Variants in OGG1 observed in about 807,000 individuals in gnomAD.
OGG1 encodes the protein 8-oxoguanine DNA glycosylase.
Under a neutral mutation model 42.3 loss-of-function variants are expected in OGG1, and 35 were observed. The ratio of observed to expected loss-of-function variants is 0.83; its 90% CI spans 0.63 to 1.10. The LOEUF is 1.10. OGG1 is among the 50% of genes least tolerant of loss of function. The pLI, the probability that OGG1 is intolerant of heterozygous loss-of-function variation, is 0.00. For missense variants in OGG1, 484 were observed against 446.7 expected (o/e 1.08, Z -0.75); for synonymous variants, 189 against 179.0 (o/e 1.06, Z -0.44).
At chr3:9,777,486 A>C (rs1055792023) in intron 2 of OGG1, among the ~76,000 whole-genome samples, 5 of 151,954 alleles carry the variant, frequency 3.3e-5, no homozygotes, top group Non-Finnish European at 7.4e-5. Flanking sequence ...CATCTCTTTG[A>C]GTCTCTGTGT....
intron 2 of OGG1, among the ~76,000 whole-genome samples, chr3:9,775,073 C>T (rs921497136): frequency 5.9e-5 from 9 of 151,396 alleles, no homozygotes; most frequent in African/African-American, 1.9e-4. Context: ...GACCCTGTCT[C>T]TACTAAAAAT....
chr3:9,785,612 C>T (rs923748903), intron 3 of OGG1, among the ~76,000 whole-genome samples: 2 of 152,196 alleles, frequency 1.3e-5, no homozygotes, highest in Admixed American at 1.3e-4. Context: ...CTTTTATTTT[C>T]GTACTGATGT....
At chr3:9,780,296 G>A in intron 2 of OGG1, 1 of 1,521,134 alleles carries the variant, frequency 6.6e-7, no homozygotes, top group Non-Finnish European at 8.9e-7. Context: ...GCCCAAAGAA[G>A]GAAGTGGGCC....
rs1227478171 is a variant in OGG1, at chr3:9,756,785, T to A, written c.917T>A (p.Leu306Gln). The A allele has an allele frequency of 6.2e-7, 1 of 1,614,150 alleles. No homozygotes were observed. Among genetic ancestry groups the A allele is most frequent in the South Asian group, 1.1e-5 (1 of 91,074 alleles). ...GATTTAGGAAACTTTTTCCGGAGCC[T>A]GTGGGGACCTTATGCTGGCTGGGCC... ...NKELGNFFRS[L>Q]WGPYAGWAQA... The change falls in exon 6 of 7, where the codon CTG becomes CAG. Residue 306 changes from leucine (L) to glutamine (Q), a missense_variant. Physicochemically the swap from Leu to Gln is moderately radical, Grantham distance 113 (BLOSUM62 -2). Coordinates refer to ENST00000344629, the MANE Select transcript of OGG1 (RefSeq NM_002542.6).
downstream of OGG1, chr3:9,757,742 T>C: frequency 6.2e-7 from 1 of 1,614,128 alleles, no homozygotes; most frequent in Non-Finnish European, 8.5e-7. The surrounding 1 kb of genome is among the most constrained non-coding windows in gnomAD (Gnocchi z 4.5). Context: ...CAGCCACTGG[T>C]GTCAGCAGCT....
downstream of OGG1, chr3:9,760,452 T>A (rs2077801125): frequency 1.7e-5 from 9 of 534,432 alleles, no homozygotes; most frequent in Non-Finnish European, 2.7e-5. Context: ...AACAAATGAA[T>A]GCCTAGTTTC....
rs1276300653 is a variant in OGG1, at chr3:9,757,072, T to C, written c.960T>C (p.Ser320=). 6.2e-7 allele frequency: 1 copy of C among 1,613,946 alleles called. No individual in the cohort carries two copies. The highest frequency in any genetic ancestry group is 2.2e-5 in the East Asian group (1 of 44,902). ...YAGWAQAVLF[S]ADLRQSRHAQ... ...CCACCCTCCTACAGGTGCTGTTCAG[T>C]GCCGACCTGCGCCAATCCCGCCATG... The change falls in exon 7 of 7, where the codon AGT becomes AGC. Residue 320 remains serine (S), a synonymous_variant. Transcript: ENST00000344629. The surrounding 1 kb of genome is among the most constrained non-coding windows in gnomAD (Gnocchi z 4.5).
chr3:9,761,849 T>C, downstream of OGG1: 1 of 1,530,788 alleles, frequency 6.5e-7, no homozygotes, highest in Admixed American at 2.0e-5. Flanking sequence ...TGAGAAATAA[T>C]GGATCCCCAA....
intron 3 of OGG1, among the ~76,000 whole-genome samples, chr3:9,752,295 G>A (rs140252499): frequency 2.0e-4 from 30 of 152,192 alleles, no homozygotes; most frequent in Non-Finnish European, 1.3e-4. Flanking sequence ...TAGCATCTCT[G>A]TACTAAAGTT....
chr3:9,789,895 A>G (rs776520893), downstream of OGG1: 3 of 1,614,172 alleles, frequency 1.9e-6, no homozygotes, highest in Admixed American at 5.0e-5. Flanking sequence ...GGGGAGCTCC[A>G]AGTTCATGGT....
chr3:9,771,050 C>T (rs909426165), downstream of OGG1, among the ~76,000 whole-genome samples: 3 of 149,650 alleles, frequency 2.0e-5, no homozygotes, highest in East Asian at 5.9e-4. Context: ...TTTTTTAAGA[C>T]AGGGTCTTGC....
intron 7 of OGG1, chr3:9,762,818 G>A: frequency 1.6e-6 from 2 of 1,220,532 alleles, no homozygotes; most frequent in South Asian, 1.3e-5. Flanking sequence ...CCAAGGCTCA[G>A]TGAGGGGGTG....
downstream of OGG1, chr3:9,758,079 A>T: frequency 1.9e-6 from 1 of 538,696 alleles, no homozygotes; most frequent in South Asian, 2.9e-5. Flanking sequence ...ATAGAAACAT[A>T]ACTATAATTC....
intron 3 of OGG1, chr3:9,784,018 T>C (rs532909048): frequency 2.5e-6 from 4 of 1,612,018 alleles, no homozygotes; most frequent in South Asian, 2.2e-5. Context: ...TGCATCCTGC[T>C]AACGCTCACC....
At chr3:9,764,676 TGGAGTGTAATGCAC>T (rs1356445057) in intron 7 of OGG1, among the ~76,000 whole-genome samples, 3 of 137,352 alleles carry the variant, frequency 2.2e-5, no homozygotes, top group African/African-American at 8.1e-5. Context: ...TTGCCTAGGC[TGGAGTGTAATGCAC>T]GGTGTGATCT....
downstream of OGG1, chr3:9,761,607 G>C (rs975576227): frequency 1.2e-6 from 2 of 1,613,954 alleles, no homozygotes; most frequent in Middle Eastern, 3.3e-4. Flanking sequence ...CACCATCACA[G>C]CCCCAGCCCA....
intron 3 of OGG1, among the ~76,000 whole-genome samples, chr3:9,786,070 T>C (rs1227760220): frequency 3.9e-5 from 6 of 151,940 alleles, no homozygotes; most frequent in Non-Finnish European, 7.4e-5. Flanking sequence ...TCCCAAGTAG[T>C]TGGGACTACA....
At chr3:9,770,761 C>T (rs1347183285), downstream of OGG1, among the ~76,000 whole-genome samples, 1 of 151,856 alleles carries the variant, frequency 6.6e-6, no homozygotes, top group Non-Finnish European at 1.5e-5. Context: ...TCAAGGCCTT[C>T]CTTGGGAAGA....
Position 9,750,951 on chromosome 3 carries a change from G to A in OGG1, c.144G>A (p.Arg48=). ...TCATGTGCCTTGGGCTCAGGTGGAGGGAGCAAAGTCCTGCACACTGGAGTG... is the reference window on the plus strand; with the variant it reads ...TCATGTGCCTTGGGCTCAGGTGGAGAGAGCAAAGTCCTGCACACTGGAGTG... ...VLPSGQSFRW[R]EQSPAHWSGV... Residue 48 remains arginine (R), a synonymous_variant, in exon 2 of 7, where the codon AGG becomes AGA. Coordinates refer to ENST00000344629, the MANE Select transcript of OGG1 (RefSeq NM_002542.6). The A allele has an allele frequency of 1.2e-6, 2 of 1,614,024 alleles. No homozygotes were observed. Among genetic ancestry groups the A allele is most frequent in the East Asian group, 4.5e-5 (2 of 44,888 alleles).
Sources: allele counts gnomAD v4.1 joint callset (sites outside exome capture counted in the v4.1 genomes callset), GRCh38; gene constraint gnomAD v4.1.1; non-coding constraint Gnocchi (gnomAD v3.1); transcripts MANE v1.5; gene names NCBI Gene and HGNC (gene_info 2026-07-23, HGNC 2026-07-21).